Variants in TTC13 observed in about 807,000 individuals in gnomAD.
The protein encoded by TTC13 is tetratricopeptide repeat protein 13.
Under a neutral mutation model 120.0 loss-of-function variants are expected in TTC13, and 62 were observed. The observed-to-expected ratio is 0.52, with a 90% CI of 0.42 to 0.64. The LOEUF is 0.64. TTC13 is among the 30% of genes least tolerant of loss of function. The pLI, the probability that TTC13 is intolerant of heterozygous loss-of-function variation, is 0.00. For synonymous variants in TTC13, 384 were observed against 393.5 expected, an observed-to-expected ratio of 0.98 and a Z score of 0.28; for missense variants, 824 against 1,050.2, an observed-to-expected ratio of 0.78 and a Z score of 2.98.
chr1:230,909,448 T>C lies in TTC13; in HGVS notation c.2310-428A>G, dbSNP rs190460170. ...GAGTTCGAGACCAGCCTGACCAACA[T>C]GGCAAAACCCCATCTGTAACAAAAA... On this transcript the variant is annotated intron_variant, in intron 20 of 22. Transcript: ENST00000366661. 6.3e-4 allele frequency among the ~76,000 whole-genome samples: 96 copies of C among 152,312 alleles called. 1 individual carries two copies. In the East Asian group the frequency reaches 0.014, roughly 21 times the overall value.
chr1:230,955,107 A>G (rs941572422), intron 3 of TTC13, among the ~76,000 whole-genome samples: 12 of 152,172 alleles, frequency 7.9e-5, no homozygotes, highest in African/African-American at 2.9e-4. Context: ...TCTCCCACCC[A>G]TCCAAAAACC....
In TTC13 at chr1:230,933,814, A is replaced by G. The variant is rs779114315; in HGVS notation, c.948T>C (p.Phe316=). 1.2e-6 allele frequency: 2 copies of G among 1,610,134 alleles called. No homozygotes were observed. Among genetic ancestry groups the G allele is most frequent in the South Asian group, 1.1e-5 (1 of 90,474 alleles). The change falls in exon 9 of 23, where the codon TTT becomes TTC. Residue 316 remains phenylalanine, a synonymous_variant. Coordinates refer to ENST00000366661, the MANE Select transcript of TTC13 (RefSeq NM_024525.5). Reference sequence around the variant, plus strand: ...GCCCTAGACTTTTATATGCATCAATAAAGTCAACTTTCTGCTTCAAAGCTT... The same window carrying G: ...GCCCTAGACTTTTATATGCATCAATGAAGTCAACTTTCTGCTTCAAAGCTT... The part of the protein sequence containing the change: ...FKEALKQKVD[F]IDAYKSLGQA...
chr1:230,940,466 G>A lies in TTC13; in HGVS notation c.763C>T (p.Arg255Trp), dbSNP rs1674433460. 4 of 1,612,584 alleles carry A rather than the reference G, an allele frequency of 2.5e-6. No individual in the cohort carries two copies. Among genetic ancestry groups the A allele is most frequent in the African/African-American group, 1.3e-5 (1 of 74,900 alleles). Residue 255 changes from arginine to tryptophan, a missense_variant, in exon 7 of 23, where the codon CGG becomes TGG. Around this residue, in one of 4 missense-constraint regions of TTC13, gnomAD observed 430 missense variants for 626.8 expected, o/e 0.69. Transcript: ENST00000366661. This position sits in a 1 kb window ranked among gnomAD's most constrained non-coding sequence, Gnocchi z 4.1. ...LQPSARLYRHRGTLYFISEDY... is the reference protein window; with the variant it reads ...LQPSARLYRHWGTLYFISEDY... ...TCTGATATGAAGTACAGGGTTCCCC[G>A]ATGTCTGTACAGCCGTGCTGAGGGC...
At chr1:230,971,553 A>G (rs941588930) in intron 1 of TTC13, among the ~76,000 whole-genome samples, 8 of 152,334 alleles carry the variant, frequency 5.3e-5, no homozygotes, top group Non-Finnish European at 1.0e-4. Flanking sequence ...GAAAATAGAC[A>G]CTGCCTGCTG....
rs945557006 is a variant in TTC13, at chr1:230,924,395, C to G, written c.1721+446G>C. 3.3e-5 allele frequency among the ~76,000 whole-genome samples: 5 copies of G among 152,258 alleles called. No individual in the cohort carries two copies. The South Asian group carries it at 8.3e-4, about 25-fold the overall frequency. ...TCGCCCAGGCTGGAGTGCAGTGGCG[C>G]GATCTCGGCTCACTGCAAGCTCCGC... On this transcript the variant is annotated intron_variant, in intron 14 of 22. Coordinates refer to ENST00000366661, the MANE Select transcript of TTC13 (RefSeq NM_024525.5).
At chr1:230,936,484 T>C (rs1392969864) in intron 8 of TTC13, 1 of 301,228 alleles carries the variant, frequency 3.3e-6, no homozygotes, top group African/African-American at 2.2e-5. Context: ...CTCAGAAAAC[T>C]CTCAAAGTGA....
chr1:230,934,579 A>G (rs1314317655), intron 8 of TTC13, among the ~76,000 whole-genome samples: 1 of 152,216 alleles, frequency 6.6e-6, no homozygotes, highest in East Asian at 1.9e-4. Flanking sequence ...TATGAAAACT[A>G]TTAATCAAGT....
At chr1:230,930,506 C>G (rs1250347515) in intron 11 of TTC13, among the ~76,000 whole-genome samples, 2 of 152,102 alleles carry the variant, frequency 1.3e-5, no homozygotes, top group South Asian at 2.1e-4. Flanking sequence ...GTGAGTAAAA[C>G]TACAACTAAT....
chr1:230,908,910 C>T (rs988100541), intron 21 of TTC13, 32 bp downstream of exon 21: 2 of 1,612,528 alleles, frequency 1.2e-6, no homozygotes, highest in African/African-American at 1.3e-5. Context: ...TAATACATAA[C>T]CAAGCATTTC....
At chr1:230,952,821 G>A (rs1245446726) in intron 4 of TTC13, among the ~76,000 whole-genome samples, 1 of 151,976 alleles carries the variant, frequency 6.6e-6, no homozygotes, top group Non-Finnish European at 1.5e-5. Flanking sequence ...ACTTTGAAAA[G>A]GCATAAATAA....
chr1:230,922,886 ACT>A (rs1672712688), intron 15 of TTC13, among the ~76,000 whole-genome samples: 1 of 152,204 alleles, frequency 6.6e-6, no homozygotes, highest in African/African-American at 2.4e-5. Flanking sequence ...AGCACAGCAC[ACT>A]GGCTGATCTA....
intron 1 of TTC13, among the ~76,000 whole-genome samples, chr1:230,975,389 A>T (rs1572317712): frequency 2.0e-5 from 3 of 152,224 alleles, no homozygotes; most frequent in Admixed American, 2.0e-4. Flanking sequence ...AAATAGAAAA[A>T]ACAACAGCAC....
rs7536604 is a variant in TTC13, at chr1:230,970,833, G to A, written c.271+7727C>T. ...CTAGTTATAACAGACAGCACACTGA[G>A]CTACTTGAAAATAAGGATGACTGGG... is the stretch of plus-strand genomic sequence containing the variant. On this transcript the variant is annotated intron_variant, in intron 1 of 22. Coordinates refer to ENST00000366661, the MANE Select transcript of TTC13 (RefSeq NM_024525.5). Among the ~76,000 whole-genome samples the A allele has an allele frequency of 2.7e-3, 418 of 152,302 alleles. 4 individuals are homozygous for A. Among genetic ancestry groups the A allele is most frequent in the African/African-American group, 9.0e-3 (376 of 41,554 alleles).
intron 19 of TTC13, among the ~76,000 whole-genome samples, chr1:230,911,938 T>C (rs1015745648): frequency 1.3e-5 from 2 of 152,222 alleles, no homozygotes; most frequent in Non-Finnish European, 2.9e-5. Flanking sequence ...CCCCTTCCCC[T>C]ACTCCGCATT....
intron 1 of TTC13, among the ~76,000 whole-genome samples, chr1:230,966,179 T>C (rs934146096): frequency 6.6e-6 from 1 of 152,184 alleles, no homozygotes. Flanking sequence ...TACAGAATAA[T>C]TGTACATATG....
intron 1 of TTC13, among the ~76,000 whole-genome samples, chr1:230,969,193 C>T (rs944714896): frequency 2.6e-5 from 4 of 151,964 alleles, no homozygotes; most frequent in South Asian, 2.1e-4. Context: ...ACCTGGGAGG[C>T]GAAGCTTGCA....
intron 1 of TTC13, among the ~76,000 whole-genome samples, chr1:230,962,137 G>C (rs1353983248): frequency 6.6e-6 from 1 of 151,808 alleles, no homozygotes; most frequent in Non-Finnish European, 1.5e-5. Flanking sequence ...TTGAACCCGG[G>C]AGGCAGAGGT....
intron 2 of TTC13, among the ~76,000 whole-genome samples, chr1:230,960,776 A>G (rs1266810416): frequency 6.6e-6 from 1 of 152,192 alleles, no homozygotes; most frequent in Non-Finnish European, 1.5e-5. Context: ...GAGGAGATGC[A>G]CTAACATGGA....
At position 230,943,810 on chromosome 1, in the gene TTC13, G is replaced by T. The variant is rs1664176580; in HGVS notation, c.668C>A (p.Ala223Glu). 6.2e-7 allele frequency: 1 copy of T among 1,606,470 alleles called. No individual in the cohort carries two copies. The highest frequency in any genetic ancestry group is 2.2e-5 in the East Asian group (1 of 44,706). ...PDRPEVFEQR[A>E]EILSPLGRIN... ...GAAAAAGAAAGCCACACTCACTTCT[G>T]CTCGCTGCTCAAATACCTCTGGACG... Residue 223 changes from alanine to glutamate, a missense_variant, in exon 6 of 23, where the codon GCA becomes GAA. This residue lies in a region of TTC13 where 430 missense variants were observed against 626.8 expected (regional missense o/e 0.69). Transcript: ENST00000366661.
Sources: gnomAD v4.1 joint callset for allele counts (sites outside exome capture counted in the v4.1 genomes callset) on GRCh38, gnomAD v4.1.1 for gene constraint, gnomAD v4.1.1 regional missense constraint, Gnocchi (gnomAD v3.1) non-coding constraint, MANE v1.5 for transcripts, NCBI Gene and HGNC (gene_info 2026-07-23, HGNC 2026-07-21) for gene names.